Variants in KLHL29 observed in about 807,000 individuals in gnomAD.
The protein encoded by KLHL29 is kelch like family member 29.
In KLHL29, 21 loss-of-function variants were observed where a neutral mutation model predicts 80.4. The ratio of observed to expected loss-of-function variants is 0.26; its 90% CI spans 0.19 to 0.38. The LOEUF is 0.38. KLHL29 is among the 10% of genes least tolerant of loss of function. The pLI is 1.00. For missense variants in KLHL29, 867 were observed against 1,223.9 expected, an observed-to-expected ratio of 0.71 and a Z score of 4.35; for synonymous variants, 511 against 526.8, an observed-to-expected ratio of 0.97 and a Z score of 0.41.
chr2:23,590,736 C>T (rs936317718), intron 3 of KLHL29, among the ~76,000 whole-genome samples: 1 of 152,208 alleles, frequency 6.6e-6, no homozygotes, highest in Non-Finnish European at 1.5e-5. Context: ...CAATCCCCTA[C>T]ATGGCCCAGG....
intron 3 of KLHL29, among the ~76,000 whole-genome samples, chr2:23,589,873 G>T (rs1227352972): frequency 6.6e-6 from 1 of 152,248 alleles, no homozygotes; most frequent in Non-Finnish European, 1.5e-5. Context: ...GGGCAGGTGA[G>T]GCTGCCATGT....
intron 3 of KLHL29, among the ~76,000 whole-genome samples, chr2:23,588,579 G>A (rs1668174959): frequency 6.6e-6 from 1 of 152,230 alleles, no homozygotes; most frequent in African/African-American, 2.4e-5. Context: ...TTAGACTGTG[G>A]TCTGAGGCCT....
intron 1 of KLHL29, among the ~76,000 whole-genome samples, chr2:23,440,805 C>T (rs1572514890): frequency 6.6e-6 from 1 of 152,076 alleles, no homozygotes; most frequent in Non-Finnish European, 1.5e-5. Flanking sequence ...GTTGGAATGG[C>T]AATCATTAAA....
chr2:23,459,124 A>G (rs971170072), intron 1 of KLHL29, among the ~76,000 whole-genome samples: 1 of 152,158 alleles, frequency 6.6e-6, no homozygotes, highest in African/African-American at 2.4e-5. Context: ...GCTCCTAGGT[A>G]TCAGGGTTGT....
intron 1 of KLHL29, among the ~76,000 whole-genome samples, chr2:23,416,285 G>A (rs879917201): frequency 2.0e-5 from 3 of 152,146 alleles, no homozygotes; most frequent in Non-Finnish European, 2.9e-5. Flanking sequence ...TCCAAGCCCC[G>A]CCCTCTGATG....
Position 23,503,987 on chromosome 2 carries a change from T to C in KLHL29, c.-46+28320T>C, listed in dbSNP as rs1665525627. 6.6e-6 allele frequency among the ~76,000 whole-genome samples: 1 copy of C among 152,002 alleles called. No homozygotes were observed. On this transcript the variant is annotated intron_variant, in intron 2 of 13. Transcript: ENST00000486442. The surrounding 1 kb of genome is among the most constrained non-coding windows in gnomAD (Gnocchi z 4.0). ...CTGGGAACGCCACACAAAAGCACTC[T>C]CCAAGCCAGCCAGAGGTCCCTGAGG...
intron 3 of KLHL29, among the ~76,000 whole-genome samples, chr2:23,577,632 C>G (rs770459787): frequency 3.9e-5 from 6 of 151,908 alleles, no homozygotes; most frequent in Admixed American, 1.3e-4. Flanking sequence ...CCTGTAATCC[C>G]AGCTACTCTG....
In KLHL29 at chr2:23,612,107, C is replaced by T. The variant is rs72780382; in HGVS notation, c.286-27032C>T. Among the ~76,000 whole-genome samples the T allele has an allele frequency of 4.6e-3, 705 of 152,222 alleles. 3 individuals are homozygous for T. Among genetic ancestry groups the T allele is most frequent in the Middle Eastern group, 0.01 (3 of 294 alleles). ...GAAAATGGGTGAGAACATTTCTAAA[C>T]TGTTGAAAGATATCAAGTCATAGAT... On this transcript the variant is annotated intron_variant, in intron 3 of 13. Coordinates refer to ENST00000486442, the MANE Select transcript of KLHL29 (RefSeq NM_052920.2).
chr2:23,691,975 A>T, intron 7 of KLHL29, 99 bp downstream of exon 7: 1 of 1,194,740 alleles, frequency 8.4e-7, no homozygotes, highest in Non-Finnish European at 1.2e-6. Flanking sequence ...CTGTGTGTGC[A>T]CACCTGAAGC....
chr2:23,411,379 T>TTTGTG (rs1356856042), intron 1 of KLHL29, among the ~76,000 whole-genome samples: 1 of 108,944 alleles, frequency 9.2e-6, no homozygotes, highest in African/African-American at 3.8e-5. Context: ...GTTGCAAAAA[T>TTTGTG]TGTGTGTGTG....
rs556380510 is a variant in KLHL29 at position 23,687,610 on chromosome 2, G to A, written c.1079+3073G>A. On this transcript the variant is annotated intron_variant, in intron 6 of 13. Coordinates refer to ENST00000486442, the MANE Select transcript of KLHL29 (RefSeq NM_052920.2). ...GACAGGCAAGGAGACGAGCAGAGAC[G>A]ATGCTTCAGAGACTTGTGGTCCAAG... Among the ~76,000 whole-genome samples the A allele has an allele frequency of 5.3e-5, 8 of 152,338 alleles. 1 individual carries two copies. Among genetic ancestry groups the A allele is most frequent in the African/African-American group, 1.4e-4 (6 of 41,578 alleles).
At chr2:23,463,700 C>T (rs1664277372) in intron 1 of KLHL29, among the ~76,000 whole-genome samples, 1 of 152,158 alleles carries the variant, frequency 6.6e-6, no homozygotes, top group South Asian at 2.1e-4. Context: ...ACACAAGGAG[C>T]CGTAAGCCCC....
chr2:23,482,023 T>G (rs1427044300), intron 2 of KLHL29, among the ~76,000 whole-genome samples: 1 of 152,154 alleles, frequency 6.6e-6, no homozygotes, highest in Non-Finnish European at 1.5e-5. Flanking sequence ...TTCAGGATTG[T>G]GGAAGGCCAT....
intron 3 of KLHL29, among the ~76,000 whole-genome samples, chr2:23,612,886 A>G (rs1668903733): frequency 6.6e-6 from 1 of 152,210 alleles, no homozygotes; most frequent in Non-Finnish European, 1.5e-5. Flanking sequence ...AAGGCTATAG[A>G]TAAATAAATA....
chr2:23,706,571 C>T lies in KLHL29; in HGVS notation c.2535C>T (p.Pro845=). Residue 845 remains proline (P), a synonymous_variant, in exon 14 of 14, where the codon CCC becomes CCT. Transcript: ENST00000486442. ...TGGGCAACATGGAGGCCTACGAGCCCACAACCAACACATGGACCCTCCTCC... is the reference window on the plus strand; with the variant it reads ...TGGGCAACATGGAGGCCTACGAGCCTACAACCAACACATGGACCCTCCTCC... ...PALGNMEAYE[P]TTNTWTLLPH... 1 of 1,537,236 alleles carries T rather than the reference C, an allele frequency of 6.5e-7. No homozygotes were observed. Among genetic ancestry groups the T allele is most frequent in the Non-Finnish European group, 8.7e-7 (1 of 1,146,892 alleles).
chr2:23,597,345 GTATGTATA>G (rs1558402728), intron 3 of KLHL29, among the ~76,000 whole-genome samples: 5 of 125,114 alleles, frequency 4.0e-5, no homozygotes, highest in East Asian at 2.2e-4. Context: ...GTGTGTGTGT[GTATGTATA>G]TGTGTATGTA....
chr2:23,435,047 C>T (rs539703701), intron 1 of KLHL29, among the ~76,000 whole-genome samples: 4 of 152,318 alleles, frequency 2.6e-5, no homozygotes, highest in Admixed American at 2.6e-4. Context: ...TTCCATAGCT[C>T]CATGTCCTCA....
chr2:23,416,884 G>A (rs913258863), intron 1 of KLHL29, among the ~76,000 whole-genome samples: 2 of 152,042 alleles, frequency 1.3e-5, no homozygotes, highest in African/African-American at 4.8e-5. Flanking sequence ...TGCTGACTGT[G>A]AGACCCATAA....
chr2:23,399,977 G>A (rs1666547938), intron 1 of KLHL29, among the ~76,000 whole-genome samples: 1 of 152,190 alleles, frequency 6.6e-6, no homozygotes, highest in Non-Finnish European at 1.5e-5. Flanking sequence ...CATTGAGATG[G>A]CACTGTGGTT....
Sources: allele counts gnomAD v4.1 joint callset (sites outside exome capture counted in the v4.1 genomes callset), GRCh38; gene constraint gnomAD v4.1.1; non-coding constraint Gnocchi (gnomAD v3.1); transcripts MANE v1.5; gene names NCBI Gene and HGNC (gene_info 2026-07-23, HGNC 2026-07-21).